The following FNBP1 variants were observed in gnomAD, a reference collection of about 807,000 sequenced individuals.
FNBP1 encodes the protein formin-binding protein 1.
Under a neutral mutation model 90.6 loss-of-function variants are expected in FNBP1, and 26 were observed. The observed-to-expected ratio is 0.29, with a 90% CI of 0.21 to 0.40. The LOEUF (loss-of-function observed/expected upper bound fraction) is 0.40, where lower values mean the gene tolerates loss of function less well. FNBP1 is among the 10% of genes least tolerant of loss of function. FNBP1 has a pLI of 1.00. For missense variants in FNBP1, 635 were observed against 768.0 expected (o/e 0.83, Z 2.05); for synonymous variants, 260 against 265.2 (o/e 0.98, Z 0.19).
chr9:129,916,600 G>C (rs944840037), intron 10 of FNBP1, among the ~76,000 whole-genome samples: 14 of 148,500 alleles, frequency 9.4e-5, no homozygotes, highest in Admixed American at 4.1e-4. Context: ...TGGGCAACAA[G>C]AGTGAAACTC....
At chr9:130,049,179 A>T in the FNBP1 span, among the ~76,000 whole-genome samples, 1 of 152,198 alleles carries the variant, frequency 6.6e-6, no homozygotes, top group East Asian at 1.9e-4. Flanking sequence ...GCTTGAGACC[A>T]GGCATTCAAG....
chr9:130,014,482 C>T (rs569641083), intron 1 of FNBP1, among the ~76,000 whole-genome samples: 10 of 152,070 alleles, frequency 6.6e-5, no homozygotes, highest in African/African-American at 2.4e-4. Context: ...AAACTCCTGA[C>T]CTCAAGCGAT....
intron 15 of FNBP1, among the ~76,000 whole-genome samples, chr9:129,898,754 C>G (rs908968714): frequency 1.3e-5 from 2 of 152,184 alleles, no homozygotes; most frequent in Admixed American, 6.6e-5. Context: ...TCCCAAAGTG[C>G]TGGGATTACA....
intron 1 of FNBP1, among the ~76,000 whole-genome samples, chr9:130,035,565 A>T (rs1414635669): frequency 6.6e-6 from 1 of 152,214 alleles, no homozygotes. Flanking sequence ...AATAAACAAG[A>T]TGATGGATGT....
chr9:129,916,895 A>C (rs539998552), intron 10 of FNBP1, among the ~76,000 whole-genome samples: 5 of 152,264 alleles, frequency 3.3e-5, no homozygotes, highest in Admixed American at 2.0e-4. Context: ...CTAGAGGCCA[A>C]CATTCTCTCC....
intron 1 of FNBP1, among the ~76,000 whole-genome samples, chr9:130,011,124 G>A (rs1475505141): frequency 7.5e-5 from 11 of 147,156 alleles, no homozygotes; most frequent in Admixed American, 1.4e-4. Flanking sequence ...GCTGAGGCGG[G>A]AGAACAGCGT....
At chr9:129,990,932 GTT>G (rs35179648) in intron 2 of FNBP1, among the ~76,000 whole-genome samples, 12 of 129,970 alleles carry the variant, frequency 9.2e-5, no homozygotes, top group Non-Finnish European at 1.3e-4. Context: ...TGACACCAGG[GTT>G]TTTTTTTTTT....
intron 6 of FNBP1, among the ~76,000 whole-genome samples, chr9:129,929,903 C>T (rs2132043611): frequency 6.6e-6 from 1 of 152,282 alleles, no homozygotes; most frequent in African/African-American, 2.4e-5. Flanking sequence ...CCACCATTCC[C>T]TACTGCCTTA....
intron 1 of FNBP1, among the ~76,000 whole-genome samples, chr9:130,038,258 G>C (rs2059508189): frequency 6.6e-6 from 1 of 151,226 alleles, no homozygotes; most frequent in Non-Finnish European, 1.5e-5. Context: ...CGGAGGCTGA[G>C]GCTGGAGAAT....
intron 6 of FNBP1, among the ~76,000 whole-genome samples, chr9:129,955,794 C>T (rs577441663): frequency 6.6e-5 from 10 of 150,380 alleles, no homozygotes; most frequent in East Asian, 5.8e-4. Flanking sequence ...GACCATATCT[C>T]GGTATCTCTA....
intron 1 of FNBP1, among the ~76,000 whole-genome samples, chr9:130,027,470 G>GT (rs2058447818): frequency 6.6e-6 from 1 of 152,118 alleles, no homozygotes; most frequent in Non-Finnish European, 1.5e-5. Flanking sequence ...TGGTAGCTTT[G>GT]TCCTTGAATA....
intron 6 of FNBP1, among the ~76,000 whole-genome samples, chr9:129,946,147 C>A (rs989978364): frequency 6.6e-6 from 1 of 151,788 alleles, no homozygotes; most frequent in African/African-American, 2.4e-5. Context: ...CCATCCTGAG[C>A]GACAGACCAA....
rs2132469081 is a variant in FNBP1, at chr9:130,042,436, A to T, written c.24+516T>A. On this transcript the variant is annotated intron_variant, in intron 1 of 16. Transcript: ENST00000446176. The surrounding 1 kb of genome is among the most constrained non-coding windows in gnomAD (Gnocchi z 5.5). ...AGAGCGAAGACCGCACTCTCGCCCCAGCACCCCAAAACCCGACCCCCGGCG... is the reference window on the plus strand; with the variant it reads ...AGAGCGAAGACCGCACTCTCGCCCCTGCACCCCAAAACCCGACCCCCGGCG... Among the ~76,000 whole-genome samples the T allele has an allele frequency of 6.6e-6, 1 of 151,766 alleles. No homozygotes were observed. The highest frequency in any genetic ancestry group is 2.4e-5 in the African/African-American group (1 of 41,414).
chr9:129,919,323 G>T, intron 10 of FNBP1: 2 of 642,374 alleles, frequency 3.1e-6, no homozygotes, highest in Non-Finnish European at 2.4e-6. Context: ...CAACTGGTAA[G>T]GATTTTCAAA....
Position 130,042,328 on chromosome 9 carries a change from G to C in FNBP1, c.24+624C>G, listed in dbSNP as rs1377458189. On this transcript the variant is annotated intron_variant, in intron 1 of 16. Transcript: ENST00000446176. The surrounding 1 kb of genome is among the most constrained non-coding windows in gnomAD (Gnocchi z 5.5). ...TTTCCCCTCCAGACCAGACGTCGCAGTGCCCACATCCCACTCAGGATTGAG... is the reference window on the plus strand; with the variant it reads ...TTTCCCCTCCAGACCAGACGTCGCACTGCCCACATCCCACTCAGGATTGAG... 6.6e-6 allele frequency among the ~76,000 whole-genome samples: 1 copy of C among 152,130 alleles called. No homozygotes were observed. The highest frequency in any genetic ancestry group is 1.5e-5 in the Non-Finnish European group (1 of 68,016).
intron 12 of FNBP1, among the ~76,000 whole-genome samples, chr9:129,903,985 C>T (rs139122575): frequency 0.044 from 6,690 of 152,140 alleles, 520 homozygotes; most frequent in African/African-American, 0.15. Flanking sequence ...TGCAGTGAGC[C>T]GAGATCACGC....
rs1360769512 is a variant in FNBP1 at position 130,042,032 on chromosome 9, C to T, written c.24+920G>A. Among the ~76,000 whole-genome samples, 1 of 152,062 alleles carries T rather than the reference C, an allele frequency of 6.6e-6. No homozygotes were observed. Among genetic ancestry groups the T allele is most frequent in the African/African-American group, 2.4e-5 (1 of 41,408 alleles). ...CTCCTTCCCGGGCCGCCGCACTGCC[C>T]ATCCCCTGCCCAGTGATTTCCCCAG... On this transcript the variant is annotated intron_variant, in intron 1 of 16. Coordinates refer to ENST00000446176, the MANE Select transcript of FNBP1 (RefSeq NM_015033.3). The surrounding 1 kb of genome is among the most constrained non-coding windows in gnomAD (Gnocchi z 5.5).
chr9:129,967,770 C>T (rs1349184512), intron 4 of FNBP1, among the ~76,000 whole-genome samples: 1 of 152,116 alleles, frequency 6.6e-6, no homozygotes, highest in Admixed American at 6.5e-5. Flanking sequence ...AAAGGAGAAA[C>T]ACAAAATCCA....
At chr9:129,988,826 GGA>G (rs2131159404) in intron 2 of FNBP1, among the ~76,000 whole-genome samples, 2 of 152,268 alleles carry the variant, frequency 1.3e-5, no homozygotes, top group South Asian at 4.2e-4. Context: ...AGTAGTGGAT[GGA>G]TTTGGCCCAT....
Sources: allele counts gnomAD v4.1 joint callset (sites outside exome capture counted in the v4.1 genomes callset), GRCh38; gene constraint gnomAD v4.1.1; non-coding constraint Gnocchi (gnomAD v3.1); transcripts MANE v1.5; gene names NCBI Gene and HGNC (gene_info 2026-07-23, HGNC 2026-07-21).